The following CLDN19 variants were observed in gnomAD, a reference collection of about 807,000 sequenced individuals.
CLDN19 encodes the protein claudin-19.
A neutral mutation model predicts 24.5 loss-of-function variants in CLDN19; 19 were observed. That is an observed-to-expected ratio of 0.78 (90% CI 0.54 to 1.14). The LOEUF (loss-of-function observed/expected upper bound fraction) is 1.14, where lower values mean the gene tolerates loss of function less well. Ranked by LOEUF, CLDN19 falls within the 50% of genes most tolerant of loss-of-function variation. CLDN19 has a pLI of 0.00. For synonymous variants in CLDN19, 117 were observed against 129.6 expected, an observed-to-expected ratio of 0.90 and a Z score of 0.66; for missense variants, 250 against 295.9, an observed-to-expected ratio of 0.84 and a Z score of 1.14.
Position 42,736,038 on chromosome 1 carries a change from G to GA in CLDN19, c.474-9_474-8insT, listed in dbSNP as rs1426363298. The GA allele has an allele frequency of 6.4e-7, 1 of 1,558,916 alleles. No individual in the cohort carries two copies. The highest frequency in any genetic ancestry group is 1.4e-5 in the African/African-American group (1 of 73,938). On this transcript the variant is annotated splice_polypyrimidine_tract_variant and intron_variant, in intron 3 of 4. Transcript: ENST00000296387. The stretch of plus-strand genomic sequence containing the variant: ...GCTGGGCCAAATTCATACCTGCAAG[G>GA]GGTAGGGAGAGTGGCATCAGGTGTG...
Position 42,740,218 on chromosome 1 carries a change from C to A in CLDN19, c.-155G>T. 1.5e-5 allele frequency: 10 copies of A among 688,204 alleles called. No individual in the cohort carries two copies. Among genetic ancestry groups the A allele is most frequent in the Non-Finnish European group, 2.1e-5 (8 of 381,752 alleles). The allele number at this position is 688,204 out of a possible 1,614,324, so 42.6% of individuals were successfully genotyped here. On this transcript the variant is annotated 5_prime_UTR_variant, in exon 1 of 5. Coordinates refer to ENST00000296387, the MANE Select transcript of CLDN19 (RefSeq NM_148960.3). ...AGAAGGAGAGGTGGTGCGGCGGCAG[C>A]GGCTGGAGCAAAGGCAGTGGCTCTG...
At chr1:42,735,548 A>G in intron 4 of CLDN19, 1 of 1,417,522 alleles carries the variant, frequency 7.1e-7, no homozygotes, top group Non-Finnish European at 9.2e-7. Context: ...ACACCCAAGC[A>G]GCTCTTCAGT....
intron 3 of CLDN19, among the ~76,000 whole-genome samples, 196 bp downstream of exon 3, chr1:42,738,033 C>T (rs1651426711): frequency 6.6e-6 from 1 of 152,184 alleles, no homozygotes; most frequent in South Asian, 2.1e-4. Flanking sequence ...TTAGAGAGTC[C>T]TTGCTGCACC....
rs1473655950 is a variant in CLDN19 at position 42,736,002 on chromosome 1, C to T, written c.502G>A (p.Gly168Ser). The T allele has an allele frequency of 6.3e-7, 1 of 1,576,552 alleles. No homozygotes were observed. Among genetic ancestry groups the T allele is most frequent in the African/African-American group, 1.3e-5 (1 of 74,416 alleles). The part of the protein sequence containing the change: ...RYEFGPALFV[G>S]WASAGLAVLG... ...ACGGCCAGGCCAGCTGAGGCCCAGC[C>T]CACGAACAGGGCTGGGCCAAATTCA... Residue 168 changes from glycine (G) to serine (S), a missense_variant, in exon 4 of 5, where the codon GGC (glycine) becomes AGC (serine). Transcript: ENST00000296387.
intron 3 of CLDN19, 89 bp from the exon 4 acceptor site, chr1:42,736,119 G>A: frequency 1.2e-6 from 1 of 833,994 alleles, no homozygotes; most frequent in Middle Eastern, 3.5e-4. Flanking sequence ...GGCAGAGTGT[G>A]TGGAGCTGGA....
chr1:42,736,012 G>C lies in CLDN19; in HGVS notation c.492C>G (p.Ala164=). 1.3e-6 allele frequency: 2 copies of C among 1,575,924 alleles called. No homozygotes were observed. Among genetic ancestry groups the C allele is most frequent in the South Asian group, 2.3e-5 (2 of 85,936 alleles). ...CAGCTGAGGCCCAGCCCACGAACAG[G>C]GCTGGGCCAAATTCATACCTGCAAG... ...PVNARYEFGP[A]LFVGWASAGL... is the part of the protein sequence containing the mutation. Residue 164 remains alanine, a synonymous_variant, in exon 4 of 5, where the codon GCC becomes GCG. Transcript: ENST00000296387.
At chr1:42,736,887 G>T (rs1459799415) in intron 3 of CLDN19, among the ~76,000 whole-genome samples, 1 of 152,162 alleles carries the variant, frequency 6.6e-6, no homozygotes, top group East Asian at 1.9e-4. Context: ...GCCTGAGCTG[G>T]ACCTTGCTTG....
At chr1:42,737,173 C>T (rs750403724) in intron 3 of CLDN19, among the ~76,000 whole-genome samples, 5 of 152,196 alleles carry the variant, frequency 3.3e-5, no homozygotes, top group Non-Finnish European at 7.4e-5. Context: ...CCTTCAGTTC[C>T]CATGCCCACA....
At chr1:42,736,782 G>A (rs1426048853) in intron 3 of CLDN19, among the ~76,000 whole-genome samples, 1 of 152,238 alleles carries the variant, frequency 6.6e-6, no homozygotes, top group Non-Finnish European at 1.5e-5. Context: ...GGCAGACAGA[G>A]CCATCAGTGT....
rs1039423338 is a variant in CLDN19 at position 42,735,039 on chromosome 1, C to T, written c.*47G>A. ...TCTCTTTCCAAAAAAATATGAAACA[C>T]ACAGTCTAGGTATGGCAGGGGACAG... On this transcript the variant is annotated 3_prime_UTR_variant, in exon 5 of 5. Transcript: ENST00000296387. The T allele has an allele frequency of 2.1e-6, 3 of 1,420,630 alleles. No individual in the cohort carries two copies. Among genetic ancestry groups the T allele is most frequent in the Non-Finnish European group, 3.0e-6 (3 of 1,005,170 alleles). The allele number at this position is 1,420,630 out of a possible 1,614,324, so 88.0% of individuals were successfully genotyped here. A position where few individuals can be genotyped will look rare whatever the true frequency, so the allele number is the denominator to read the frequency against.
In CLDN19 at chr1:42,739,918, C is replaced by T. The variant is rs1358943115; in HGVS notation, c.146G>A (p.Gly49Glu). The T allele has an allele frequency of 6.2e-7, 1 of 1,612,418 alleles. No individual in the cohort carries two copies. Among genetic ancestry groups the T allele is most frequent in the East Asian group, 2.2e-5 (1 of 44,842 alleles). ...CTGGGAGGCGCAGGACATCCAGAGCCCTTCATAGAGGCCCACGGCAGTGAT... is the reference window on the plus strand; with the variant it reads ...CTGGGAGGCGCAGGACATCCAGAGCTCTTCATAGAGGCCCACGGCAGTGAT... ...AIITAVGLYE[G>E]LWMSCASQST... is the part of the protein sequence containing the mutation. The change falls in exon 1 of 5, where the codon GGG (glycine) becomes GAG (glutamate). Residue 49 changes from glycine (G) to glutamate (E), a missense_variant. Transcript: ENST00000296387.
intron 4 of CLDN19, 37 bp downstream of exon 4, chr1:42,735,841 T>TGG (rs1396440246): frequency 1.3e-6 from 2 of 1,559,602 alleles, no homozygotes; most frequent in Non-Finnish European, 1.7e-6. Flanking sequence ...GGCCACTGGG[T>TGG]GGGGGGCTGG....
At chr1:42,738,376 G>A in intron 2 of CLDN19, 45 bp downstream of exon 2, 1 of 1,613,570 alleles carries the variant, frequency 6.2e-7, no homozygotes, top group Non-Finnish European at 8.5e-7. Flanking sequence ...TGGGGCTGGG[G>A]CTGCCTGCCA....
chr1:42,738,605 A>T lies in CLDN19; in HGVS notation c.224-20T>A. On this transcript the variant is annotated intron_variant, in intron 1 of 4. Transcript: ENST00000296387. ...TGTGACCTAGGGTGGGCGGGATGAC[A>T]CTGAGTCGGGCTGGCGGGGATGGGG... 6.2e-7 allele frequency: 1 copy of T among 1,610,330 alleles called. No homozygotes were observed. Among genetic ancestry groups the T allele is most frequent in the Non-Finnish European group, 8.5e-7 (1 of 1,178,006 alleles).
At position 42,733,133 on chromosome 1, in the gene CLDN19, G is replaced by A. The variant is rs1651237593; in HGVS notation, c.*1953C>T. 7.2e-6 allele frequency: 1 copy of A among 139,592 alleles called. No individual in the cohort carries two copies. 8.6% of individuals were successfully genotyped at this position (139,592 alleles called of 1,614,324 possible). A position where few individuals can be genotyped will look rare whatever the true frequency, so the allele number is the denominator to read the frequency against. ...TCTGTCATCCAGGATGGTGTGCAGT[G>A]GCACGATCTTGGCTGACTGCAACCT... On this transcript the variant is annotated 3_prime_UTR_variant, in exon 5 of 5. Coordinates refer to ENST00000296387, the MANE Select transcript of CLDN19 (RefSeq NM_148960.3).
chr1:42,739,947 GGCGTC>G lies in CLDN19; in HGVS notation c.112_116del (p.Asp38HisfsTer9). On this transcript the variant is annotated frameshift_variant, in exon 1 of 5. Coordinates refer to ENST00000296387, the MANE Select transcript of CLDN19 (RefSeq NM_148960.3). LOFTEE classifies it high-confidence loss of function. ...CATAGAGGCCCACGGCAGTGATGAT[GGCGTC>G]GCCTGCGTAGGAAGACTGCTTCCAC... The G allele has an allele frequency of 6.2e-7, 1 of 1,608,224 alleles. No individual in the cohort carries two copies. Among genetic ancestry groups the G allele is most frequent in the African/African-American group, 1.3e-5 (1 of 74,936 alleles).
At chr1:42,738,334 C>A (rs538815543) in intron 2 of CLDN19, 21 bp from the exon 3 acceptor site, 7 of 1,611,906 alleles carry the variant, frequency 4.3e-6, no homozygotes, top group Middle Eastern at 1.6e-4. Flanking sequence ...AGCAGAGGGG[C>A]GCTCAGCTCT....
intron 1 of CLDN19, 44 bp from the exon 2 acceptor site, chr1:42,738,629 G>T (rs1209062380): frequency 1.3e-6 from 2 of 1,592,916 alleles, no homozygotes; most frequent in Non-Finnish European, 1.7e-6. Flanking sequence ...GCGGGGATGG[G>T]GGTTGGGTCG....
rs1651303395 is a variant in CLDN19 at position 42,734,903 on chromosome 1, C to G, written c.*183G>C. ...CCACCCTGGACCTCTGTCTCCTCAT[C>G]TTTCTGCCCAAGAGCCCCAGGGGTC... is the stretch of plus-strand genomic sequence containing the variant. On this transcript the variant is annotated 3_prime_UTR_variant, in exon 5 of 5. Transcript: ENST00000296387. 1 of 626,442 alleles carries G rather than the reference C, an allele frequency of 1.6e-6. No individual in the cohort carries two copies. The highest frequency in any genetic ancestry group is 2.9e-6 in the Non-Finnish European group (1 of 343,386). 38.8% of individuals were successfully genotyped at this position (626,442 alleles called of 1,614,324 possible).
Sources: allele counts gnomAD v4.1 joint callset (sites outside exome capture counted in the v4.1 genomes callset), GRCh38; gene constraint gnomAD v4.1.1; transcripts MANE v1.5; gene names NCBI Gene and HGNC (gene_info 2026-07-23, HGNC 2026-07-21).